Variants in ANK3 observed in about 807,000 individuals in gnomAD.
The protein encoded by ANK3 is ankyrin 3.
Under a neutral mutation model 370.9 loss-of-function variants are expected in ANK3, and 57 were observed. The observed-to-expected ratio is 0.15, with a 90% CI of 0.12 to 0.19. The LOEUF is 0.19. ANK3 is among the 10% of genes least tolerant of loss of function. The pLI is 1.00. For synonymous variants in ANK3, 1,929 were observed against 1,946.3 expected (o/e 0.99, Z 0.23); for missense variants, 4,439 against 5,302.1 (o/e 0.84, Z 5.06).
chr10:60,113,595 AGGT>A (rs771945288), intron 26 of ANK3, among the ~76,000 whole-genome samples: 11 of 152,188 alleles, frequency 7.2e-5, no homozygotes, highest in Non-Finnish European at 1.6e-4. Flanking sequence ...CTGTGGTCCC[AGGT>A]GCTCAAGAAA....
In ANK3 at chr10:60,104,243, A is replaced by T. The variant is rs148800447; in HGVS notation, c.3328+1662T>A. Among the ~76,000 whole-genome samples the T allele has an allele frequency of 2.9e-3, 445 of 151,552 alleles. 4 individuals carry two copies. The highest frequency in any genetic ancestry group is 9.8e-3 in the African/African-American group (404 of 41,304). ...TTGAGTTTGGCACTCAATCTCTCTG[A>T]GCCTTAGTTTAGGCTGAGGGAGGAG... is the stretch of plus-strand genomic sequence containing the variant. On this transcript the variant is annotated intron_variant, in intron 28 of 43. Transcript: ENST00000280772.
chr10:60,728,265 C>T (rs967395171), intron 1 of ANK3, among the ~76,000 whole-genome samples: 1 of 152,180 alleles, frequency 6.6e-6, no homozygotes, highest in Admixed American at 6.5e-5. Flanking sequence ...CTTCTACACC[C>T]AAGTCCTTGT....
intron 1 of ANK3, among the ~76,000 whole-genome samples, chr10:60,666,282 T>C (rs1424265663): frequency 6.6e-6 from 1 of 152,078 alleles, no homozygotes; most frequent in African/African-American, 2.4e-5. Context: ...TTATGTAAAG[T>C]GAAATAAGCC....
At chr10:60,316,197 A>G (rs960997229) in intron 1 of ANK3, among the ~76,000 whole-genome samples, 12 of 152,162 alleles carry the variant, frequency 7.9e-5, no homozygotes, top group African/African-American at 2.9e-4. Context: ...TCTGCCATCA[A>G]AGGCAGGCTC....
At chr10:60,472,477 T>C (rs1362276714) in intron 2 of ANK3, among the ~76,000 whole-genome samples, 1 of 152,188 alleles carries the variant, frequency 6.6e-6, no homozygotes, top group Non-Finnish European at 1.5e-5. Flanking sequence ...GTTTCTGTGA[T>C]TAGAAAAGTT....
intron 2 of ANK3, among the ~76,000 whole-genome samples, chr10:60,417,139 G>C (rs1447890604): frequency 6.6e-6 from 1 of 152,190 alleles, no homozygotes; most frequent in Non-Finnish European, 1.5e-5. Flanking sequence ...TAACTGCACA[G>C]TGCTGAACTG....
chr10:60,097,013 G>A (rs186961525), intron 28 of ANK3, among the ~76,000 whole-genome samples: 111 of 152,302 alleles, frequency 7.3e-4, no homozygotes, highest in Non-Finnish European at 1.3e-3. Flanking sequence ...ACAAAAAGAG[G>A]ATTAGAGGGA....
At chr10:60,423,046 C>T (rs967508814) in intron 2 of ANK3, among the ~76,000 whole-genome samples, 2 of 152,016 alleles carry the variant, frequency 1.3e-5, no homozygotes, top group African/African-American at 2.4e-5. Flanking sequence ...TGACCTCCAC[C>T]CACTGATCCC....
chr10:60,315,889 C>T (rs758352740), intron 1 of ANK3, among the ~76,000 whole-genome samples: 4 of 152,040 alleles, frequency 2.6e-5, no homozygotes, highest in Admixed American at 2.0e-4. Context: ...ATATTATGAG[C>T]GATAAGGTGA....
intron 2 of ANK3, among the ~76,000 whole-genome samples, chr10:60,561,624 A>G (rs564284861): frequency 6.6e-6 from 1 of 152,358 alleles, no homozygotes; most frequent in East Asian, 1.9e-4. Flanking sequence ...CTGGGAAGAA[A>G]AAATAAAATA....
intron 25 of ANK3, among the ~76,000 whole-genome samples, chr10:60,133,915 C>T (rs568512457): frequency 6.6e-6 from 1 of 152,106 alleles, no homozygotes; most frequent in East Asian, 1.9e-4. Context: ...ACTCTGTCTC[C>T]AAAAACAAAC....
At chr10:60,300,286 A>C in intron 1 of ANK3, 1 of 1,189,012 alleles carries the variant, frequency 8.4e-7, no homozygotes, top group Non-Finnish European at 1.1e-6. Context: ...CTATAAGGAA[A>C]GTACATTTCA....
At chr10:60,202,828 A>C (rs906314347) in intron 12 of ANK3, among the ~76,000 whole-genome samples, 174 bp downstream of exon 12, 2 of 152,172 alleles carry the variant, frequency 1.3e-5, no homozygotes, top group Admixed American at 6.5e-5. Context: ...GGAGCACTTG[A>C]GTCCAGGATT....
At chr10:60,643,454 T>C (rs1158500192) in intron 1 of ANK3, among the ~76,000 whole-genome samples, 1 of 152,136 alleles carries the variant, frequency 6.6e-6, no homozygotes, top group Non-Finnish European at 1.5e-5. Context: ...CAGCCTATTG[T>C]GGGATCTTGT....
At chr10:60,572,128 A>T (rs1346890078) in intron 2 of ANK3, among the ~76,000 whole-genome samples, 1 of 152,248 alleles carries the variant, frequency 6.6e-6, no homozygotes, top group East Asian at 1.9e-4. Flanking sequence ...ATTAACGAGC[A>T]TTCTGTGAAA....
At chr10:60,067,352 C>T (rs1182118038) in intron 38 of ANK3, among the ~76,000 whole-genome samples, 1 of 151,974 alleles carries the variant, frequency 6.6e-6, no homozygotes, top group African/African-American at 2.4e-5. Context: ...TTCCCATTAT[C>T]GAAGTGATAT....
chr10:60,337,114 A>T (rs1437130325), intron 1 of ANK3, among the ~76,000 whole-genome samples: 3 of 152,170 alleles, frequency 2.0e-5, no homozygotes, highest in Non-Finnish European at 4.4e-5. Context: ...ACAGTTGGGC[A>T]GTGTGGGGAC....
intron 1 of ANK3, among the ~76,000 whole-genome samples, chr10:60,383,228 G>A (rs566695032): frequency 4.6e-5 from 7 of 152,070 alleles, no homozygotes; most frequent in Non-Finnish European, 7.4e-5. Context: ...ACTATAGTCC[G>A]TTTATTCTTC....
At chr10:60,219,203 C>G (rs2096998027) in intron 8 of ANK3, among the ~76,000 whole-genome samples, 1 of 151,964 alleles carries the variant, frequency 6.6e-6, no homozygotes, top group Non-Finnish European at 1.5e-5. Context: ...AGGTTCTTAG[C>G]TTCTTTGTAT....
Sources: allele counts gnomAD v4.1 joint callset (sites outside exome capture counted in the v4.1 genomes callset), GRCh38; gene constraint gnomAD v4.1.1; transcripts MANE v1.5; gene names NCBI Gene and HGNC (gene_info 2026-07-23, HGNC 2026-07-21).